Variants in RBMS3 observed in about 807,000 individuals in gnomAD.
The protein encoded by RBMS3 is RNA-binding motif, single-stranded-interacting protein 3.
Under a neutral mutation model 66.8 loss-of-function variants are expected in RBMS3, and 27 were observed. The observed-to-expected ratio is 0.40, with a 90% CI of 0.30 to 0.56. The LOEUF (loss-of-function observed/expected upper bound fraction) is 0.56. Ranked by LOEUF, RBMS3 falls within the 20% of genes least tolerant of loss-of-function variation. The probability of loss-of-function intolerance (pLI) is 0.40; values close to 1 mark genes in which losing one functional copy is unlikely to be tolerated. For missense variants in RBMS3, 513 were observed against 549.5 expected, an observed-to-expected ratio of 0.93 and a Z score of 0.66; for synonymous variants, 188 against 183.0, an observed-to-expected ratio of 1.03 and a Z score of -0.22.
At chr3:29,710,518 G>A (rs984568424) in intron 4 of RBMS3, among the ~76,000 whole-genome samples, 1 of 152,162 alleles carries the variant, frequency 6.6e-6, no homozygotes, top group Admixed American at 6.5e-5. Context: ...CGCAGGCACA[G>A]CATTCGGGGT....
In RBMS3 at chr3:29,514,650, C is replaced by CATATATATATATATATATAT. The variant is rs10601940; in HGVS notation, c.307+26162_307+26181dup. 6.9e-3 allele frequency among the ~76,000 whole-genome samples: 717 copies of CATATATATATATATATATAT among 103,444 alleles called. 4 individuals are homozygous for CATATATATATATATATATAT. The highest frequency in any genetic ancestry group is 0.017 in the African/African-American group (370 of 21,470). The allele number at this position is 103,444 out of a possible 152,430, so 67.9% of individuals were successfully genotyped here. ...TGCATATATATATGTGTGATAGGCA[C>CATATATATATATATATATAT]ATATATATATATATATATATATATA... is the stretch of plus-strand genomic sequence containing the variant. On this transcript the variant is annotated intron_variant, in intron 3 of 14. Transcript: ENST00000383767.
chr3:29,494,344 G>T (rs1420087367), intron 3 of RBMS3, among the ~76,000 whole-genome samples: 1 of 152,090 alleles, frequency 6.6e-6, no homozygotes, highest in Non-Finnish European at 1.5e-5. Context: ...ATTCCGGAAG[G>T]GGTTATCAGG....
At chr3:29,605,968 GTTT>G (rs199500576) in intron 4 of RBMS3, among the ~76,000 whole-genome samples, 103 of 140,880 alleles carry the variant, frequency 7.3e-4, no homozygotes, top group East Asian at 1.0e-3. Flanking sequence ...AAACAAGGTA[GTTT>G]TTTTTTTTTT....
At chr3:29,354,015 G>T (rs13065187) in intron 1 of RBMS3, among the ~76,000 whole-genome samples, 27,797 of 151,976 alleles carry the variant, frequency 0.18, 2,689 homozygotes, top group Admixed American at 0.24. Flanking sequence ...TAGTCTCCAG[G>T]AAAAGTGAAA....
At chr3:29,692,306 T>C (rs1439528445) in intron 4 of RBMS3, among the ~76,000 whole-genome samples, 1 of 152,070 alleles carries the variant, frequency 6.6e-6, no homozygotes, top group East Asian at 1.9e-4. Context: ...ATGCCTCATG[T>C]TTCCATTTTA....
At chr3:29,479,249 T>A (rs1443182515) in intron 2 of RBMS3, among the ~76,000 whole-genome samples, 1 of 151,568 alleles carries the variant, frequency 6.6e-6, no homozygotes, top group Non-Finnish European at 1.5e-5. Flanking sequence ...CTGCTCTCTG[T>A]CACATAGCAG....
intron 1 of RBMS3, among the ~76,000 whole-genome samples, chr3:29,379,946 A>G (rs1376435881): frequency 6.6e-6 from 1 of 152,144 alleles, no homozygotes; most frequent in South Asian, 2.1e-4. Flanking sequence ...ATAGTCAGGA[A>G]GGACACTCTT....
At position 29,733,930 on chromosome 3, in the gene RBMS3, A is replaced by G. The variant is rs191973142; in HGVS notation, c.400-5790A>G. ...TTTGAGATTTTGAGTTGATTTTTGTATATGGTGAATTATAGGGGTCTAGTT... is the reference window on the plus strand; with the variant it reads ...TTTGAGATTTTGAGTTGATTTTTGTGTATGGTGAATTATAGGGGTCTAGTT... On this transcript the variant is annotated intron_variant, in intron 4 of 14. Coordinates refer to ENST00000383767, the MANE Select transcript of RBMS3 (RefSeq NM_001003793.3). Among the ~76,000 whole-genome samples, 33 of 152,190 alleles carry G rather than the reference A, an allele frequency of 2.2e-4. No homozygotes were observed. The East Asian group carries it at 6.0e-3, about 28-fold the overall frequency.
At chr3:30,002,760 C>T (rs1039594570) in intron 14 of RBMS3, among the ~76,000 whole-genome samples, 3 of 151,890 alleles carry the variant, frequency 2.0e-5, no homozygotes, top group Non-Finnish European at 2.9e-5. Flanking sequence ...CACATGATGG[C>T]TTTTTGCAAA....
chr3:29,991,587 T>TAATTC (rs1362459255), intron 14 of RBMS3: 1 of 172,588 alleles, frequency 5.8e-6, no homozygotes, highest in East Asian at 1.7e-4. Flanking sequence ...CAAGCACTCT[T>TAATTC]AATTCTGTTT....
intron 7 of RBMS3, among the ~76,000 whole-genome samples, chr3:29,878,618 C>A (rs528304736): frequency 6.6e-6 from 1 of 152,144 alleles, no homozygotes; most frequent in African/African-American, 2.4e-5. Context: ...CTGAATCAGG[C>A]CTCTGACCTA....
intron 12 of RBMS3, among the ~76,000 whole-genome samples, chr3:29,949,384 C>T (rs532237615): frequency 1.4e-4 from 21 of 151,836 alleles, no homozygotes; most frequent in African/African-American, 5.1e-4. Context: ...ACACAAGCCA[C>T]GTGCAAATAA....
At chr3:29,596,515 A>C (rs1374822576) in intron 4 of RBMS3, among the ~76,000 whole-genome samples, 1 of 152,226 alleles carries the variant, frequency 6.6e-6, no homozygotes, top group East Asian at 1.9e-4. Flanking sequence ...TTATTATCTC[A>C]TTTAATTCTT....
chr3:29,589,232 C>G (rs745664790), intron 4 of RBMS3, among the ~76,000 whole-genome samples: 2 of 152,066 alleles, frequency 1.3e-5, no homozygotes, highest in Non-Finnish European at 2.9e-5. Context: ...CTTACCCACT[C>G]CCCCGCACCC....
chr3:29,556,300 A>G (rs35883), intron 3 of RBMS3: 82,982 of 152,074 alleles, frequency 0.55, 23,418 homozygotes, highest in African/African-American at 0.67. Context: ...AAGTATATGC[A>G]GATAAGAAAA....
chr3:29,771,854 T>C (rs1160413568), intron 6 of RBMS3, among the ~76,000 whole-genome samples: 2 of 151,862 alleles, frequency 1.3e-5, no homozygotes, highest in African/African-American at 4.8e-5. Flanking sequence ...GACAACCAGA[T>C]CTTGTGAGAA....
At chr3:29,367,477 A>G (rs1186218426) in intron 1 of RBMS3, among the ~76,000 whole-genome samples, 1 of 152,122 alleles carries the variant, frequency 6.6e-6, no homozygotes, top group African/African-American at 2.4e-5. Context: ...CATTGGTATA[A>G]TCACAGATGT....
At chr3:29,622,170 G>A (rs997117737) in intron 4 of RBMS3, among the ~76,000 whole-genome samples, 1 of 152,194 alleles carries the variant, frequency 6.6e-6, no homozygotes, top group Admixed American at 6.5e-5. Flanking sequence ...AAACTGTGCT[G>A]TAGGTATTGA....
chr3:29,955,815 A>G (rs1043616217), intron 12 of RBMS3, among the ~76,000 whole-genome samples: 2 of 152,090 alleles, frequency 1.3e-5, no homozygotes, highest in Non-Finnish European at 2.9e-5. Context: ...AGTGACTTGT[A>G]TAAATCATTG....
Sources: allele counts gnomAD v4.1 joint callset (sites outside exome capture counted in the v4.1 genomes callset), GRCh38; gene constraint gnomAD v4.1.1; transcripts MANE v1.5; gene names NCBI Gene and HGNC (gene_info 2026-07-23, HGNC 2026-07-21).